Variants in AUTS2 observed in about 807,000 individuals in gnomAD.
The protein encoded by AUTS2 is autism susceptibility gene 2 protein.
A neutral mutation model predicts 112.4 loss-of-function variants in AUTS2; 17 were observed. The ratio of observed to expected loss-of-function variants is 0.15; its 90% CI spans 0.10 to 0.23. AUTS2 has a LOEUF of 0.23. AUTS2 is among the 10% of genes least tolerant of loss of function. The pLI is 1.00. For missense variants in AUTS2, 1,510 were observed against 1,701.6 expected, an observed-to-expected ratio of 0.89 and a Z score of 1.98; for synonymous variants, 751 against 702.7, an observed-to-expected ratio of 1.07 and a Z score of -1.09.
At chr7:70,424,569 TTTTG>T (rs550955179) in intron 4 of AUTS2, among the ~76,000 whole-genome samples, 7 of 151,976 alleles carry the variant, frequency 4.6e-5, no homozygotes, top group African/African-American at 9.7e-5. Flanking sequence ...TCTTGGTGTT[TTTTG>T]TTTGTTTGTT....
intron 5 of AUTS2, among the ~76,000 whole-genome samples, chr7:70,584,177 A>G (rs772265571): frequency 6.6e-6 from 1 of 152,234 alleles, no homozygotes. Context: ...GCCCTGTAGC[A>G]TAAATGTAGA....
At chr7:69,633,809 T>G (rs944741377) in intron 1 of AUTS2, among the ~76,000 whole-genome samples, 3 of 152,194 alleles carry the variant, frequency 2.0e-5, no homozygotes, top group African/African-American at 7.2e-5. Context: ...GTTTTTCTAC[T>G]ATTGAGTTTT....
rs531504363 is a variant in AUTS2 at position 70,546,689 on chromosome 7, G to A, written c.690+110908G>A. On this transcript the variant is annotated intron_variant, in intron 5 of 18. Transcript: ENST00000342771. ...AGCTGCTGGGGAGGCTGAGGCAGGA[G>A]AATGGCATGAACCCGGGAGGTGGAG... 2.8e-4 allele frequency among the ~76,000 whole-genome samples: 43 copies of A among 151,754 alleles called. No individual in the cohort carries two copies. The East Asian group carries it at 4.7e-3, about 17-fold the overall frequency.
chr7:69,894,252 G>GGT (rs1794644215), intron 1 of AUTS2, among the ~76,000 whole-genome samples: 1 of 36,740 alleles, frequency 2.7e-5, no homozygotes, highest in African/African-American at 1.3e-4. Flanking sequence ...GCCTTAAAGC[G>GGT]TTTTTTTTTT....
intron 5 of AUTS2, among the ~76,000 whole-genome samples, chr7:70,618,376 G>A (rs1240889842): frequency 2.0e-5 from 3 of 152,118 alleles, no homozygotes; most frequent in Non-Finnish European, 2.9e-5. Flanking sequence ...GGCAGCCCTG[G>A]CCCCTCTCCA....
intron 2 of AUTS2, among the ~76,000 whole-genome samples, chr7:70,056,828 C>G (rs1295330749): frequency 2.0e-5 from 3 of 152,136 alleles, no homozygotes; most frequent in African/African-American, 7.2e-5. Context: ...TTAACTGATT[C>G]AGTTTAAGAT....
chr7:69,745,652 T>C (rs759603789), intron 1 of AUTS2, among the ~76,000 whole-genome samples: 3 of 152,210 alleles, frequency 2.0e-5, no homozygotes, highest in Non-Finnish European at 2.9e-5. Context: ...TTGAGTTTTA[T>C]GCAAATTCCA....
intron 1 of AUTS2, among the ~76,000 whole-genome samples, chr7:69,889,448 C>T (rs1422741924): frequency 2.6e-5 from 4 of 152,186 alleles, no homozygotes; most frequent in Non-Finnish European, 5.9e-5. Context: ...CAGCAGTGTG[C>T]AGTGGTTCCC....
intron 5 of AUTS2, among the ~76,000 whole-genome samples, chr7:70,653,781 C>T (rs977514441): frequency 6.6e-6 from 1 of 152,158 alleles, no homozygotes; most frequent in Admixed American, 6.5e-5. Flanking sequence ...AAATAACTGG[C>T]TACAGTCACT....
intron 5 of AUTS2, among the ~76,000 whole-genome samples, chr7:70,683,432 G>T (rs999573093): frequency 1.1e-4 from 17 of 152,326 alleles, no homozygotes; most frequent in Non-Finnish European, 5.9e-5. Context: ...TGGTGTGTAA[G>T]AGTACATCAC....
intron 1 of AUTS2, among the ~76,000 whole-genome samples, chr7:69,788,924 C>T (rs989405465): frequency 6.6e-6 from 1 of 152,040 alleles, no homozygotes; most frequent in Non-Finnish European, 1.5e-5. Flanking sequence ...ATAAGGGAAA[C>T]GATAGGACAC....
At position 70,004,345 on chromosome 7, in the gene AUTS2, TC is replaced by T. The variant is rs201835380; in HGVS notation, c.522+104848del. Among the ~76,000 whole-genome samples the T allele has an allele frequency of 2.3e-3, 303 of 133,224 alleles. 1 individual carries two copies. The highest frequency in any genetic ancestry group is 7.9e-3 in the South Asian group (35 of 4,408). 87.4% of individuals were successfully genotyped at this position (133,224 alleles called of 152,430 possible). On this transcript the variant is annotated intron_variant, in intron 2 of 18. Coordinates refer to ENST00000342771, the MANE Select transcript of AUTS2 (RefSeq NM_015570.4). ...ATATAATATATATATGAATATATAT[TC>T]ATATATATATTATGTATGAATATAT... is the stretch of plus-strand genomic sequence containing the variant.
At chr7:70,394,233 A>T (rs1370933002) in intron 4 of AUTS2, among the ~76,000 whole-genome samples, 1 of 152,224 alleles carries the variant, frequency 6.6e-6, no homozygotes, top group Non-Finnish European at 1.5e-5. Flanking sequence ...GTCAGTGTTC[A>T]TAATAACTGC....
intron 15 of AUTS2, chr7:70,782,431 G>A (rs1267463924): frequency 6.6e-6 from 1 of 152,226 alleles, no homozygotes; most frequent in African/African-American, 2.4e-5. Flanking sequence ...GTGTGGAAGG[G>A]GTGAGGTAGA....
chr7:70,197,400 C>G (rs367936594), intron 4 of AUTS2, among the ~76,000 whole-genome samples: 1 of 150,532 alleles, frequency 6.6e-6, no homozygotes, highest in Non-Finnish European at 1.5e-5. Context: ...ACGCAGAAGA[C>G]GGGTGATTTC....
At chr7:69,660,629 C>T (rs957615187) in intron 1 of AUTS2, among the ~76,000 whole-genome samples, 2 of 152,104 alleles carry the variant, frequency 1.3e-5, no homozygotes, top group Non-Finnish European at 2.9e-5. Context: ...AATGATGAAG[C>T]AAAACAAAAG....
At chr7:69,714,843 A>G (rs1584120105) in intron 1 of AUTS2, among the ~76,000 whole-genome samples, 2 of 152,148 alleles carry the variant, frequency 1.3e-5, no homozygotes, top group Non-Finnish European at 1.5e-5. Flanking sequence ...GTCATTCTCC[A>G]TTTATTTTGG....
intron 4 of AUTS2, among the ~76,000 whole-genome samples, chr7:70,144,160 A>T (rs1807003206): frequency 6.6e-6 from 1 of 151,928 alleles, no homozygotes; most frequent in Non-Finnish European, 1.5e-5. Flanking sequence ...GCCTCTTACC[A>T]TTTGTGAGCA....
At chr7:69,600,027 C>G (rs2129067692) in intron 1 of AUTS2, 65 bp downstream of exon 1, 2 of 1,536,704 alleles carry the variant, frequency 1.3e-6, no homozygotes, top group Non-Finnish European at 8.9e-7. Flanking sequence ...GCGCCCGGCT[C>G]TCCTGCCTCC....
Sources: gnomAD v4.1 joint callset for allele counts (sites outside exome capture counted in the v4.1 genomes callset) on GRCh38, gnomAD v4.1.1 for gene constraint, MANE v1.5 for transcripts, NCBI Gene and HGNC (gene_info 2026-07-23, HGNC 2026-07-21) for gene names.